The following CSNK1G1 variants were observed in gnomAD, a reference collection of about 807,000 sequenced individuals.
CSNK1G1 encodes the protein casein kinase 1 gamma 1, also known as casein kinase I isoform gamma-1.
In CSNK1G1, 22 loss-of-function variants were observed where a neutral mutation model predicts 59.6. The ratio of observed to expected loss-of-function variants is 0.37; its 90% CI spans 0.26 to 0.53. The LOEUF is 0.53. Ranked by LOEUF, CSNK1G1 falls within the 20% of genes least tolerant of loss-of-function variation. CSNK1G1 has a pLI of 0.89. For synonymous variants in CSNK1G1, 179 were observed against 177.1 expected (o/e 1.01, Z -0.08); for missense variants, 384 against 519.5 (o/e 0.74, Z 2.54).
Position 64,176,308 on chromosome 15 carries a change from AAC to A in CSNK1G1, c.1214+4038_1214+4039del, listed in dbSNP as rs2081740504. The A allele has an allele frequency of 2.5e-6, 1 of 398,874 alleles. No homozygotes were observed. The highest frequency in any genetic ancestry group is 4.4e-6 in the Non-Finnish European group (1 of 226,150). The allele number at this position is 398,874 out of a possible 1,614,324, so 24.7% of individuals were successfully genotyped here. On this transcript the variant is annotated intron_variant, in intron 11 of 11. Coordinates refer to ENST00000303052, the MANE Select transcript of CSNK1G1 (RefSeq NM_022048.5). This position sits in a 1 kb window ranked among gnomAD's most constrained non-coding sequence, Gnocchi z 5.2. ...CAGCTACAGAGTATATAAAGAGAAA[AAC>A]ACAGAAAGGAAGAGAGAGAAAGAGA...
rs545453668 is a variant in CSNK1G1 at position 64,210,923 on chromosome 15, G to A, written c.679+2967C>T. ...TCCCAAGAAAGCAGGTTGGTGAGAA[G>A]AGCCTAGCACCCCCCTTCCCATGTG... On this transcript the variant is annotated intron_variant, in intron 6 of 11. Transcript: ENST00000303052. The surrounding 1 kb of genome is among the most constrained non-coding windows in gnomAD (Gnocchi z 4.2). Among the ~76,000 whole-genome samples the A allele has an allele frequency of 6.6e-6, 1 of 152,132 alleles. No individual in the cohort carries two copies. Among genetic ancestry groups the A allele is most frequent in the Non-Finnish European group, 1.5e-5 (1 of 68,032 alleles).
intron 1 of CSNK1G1, among the ~76,000 whole-genome samples, chr15:64,304,964 C>G (rs1895587435): frequency 6.6e-6 from 1 of 152,194 alleles, no homozygotes; most frequent in African/African-American, 2.4e-5. Context: ...CTTGCTGTTT[C>G]TTGGTCACAA....
intron 2 of CSNK1G1, among the ~76,000 whole-genome samples, chr15:64,293,634 G>A (rs1433851293): frequency 6.6e-6 from 1 of 152,210 alleles, no homozygotes; most frequent in Non-Finnish European, 1.5e-5. Flanking sequence ...CAAGGAGATC[G>A]AGTAGACCAG....
chr15:64,214,168 C>T lies in CSNK1G1; in HGVS notation c.445-44G>A, dbSNP rs972798549. 2.2e-6 allele frequency: 3 copies of T among 1,337,082 alleles called. No individual in the cohort carries two copies. The African/African-American group carries it at 4.3e-5, about 19-fold the overall frequency. 82.8% of individuals were successfully genotyped at this position (1,337,082 alleles called of 1,614,324 possible). On this transcript the variant is annotated intron_variant, in intron 5 of 11. Coordinates refer to ENST00000303052, the MANE Select transcript of CSNK1G1 (RefSeq NM_022048.5). This position sits in a 1 kb window ranked among gnomAD's most constrained non-coding sequence, Gnocchi z 4.3. ...ATAGAAAGACTGTAAAGAAGTATAT[C>T]AGGAAAATACATCAAAACAGTTTCT...
intron 4 of CSNK1G1, among the ~76,000 whole-genome samples, chr15:64,220,134 G>T (rs2082367755): frequency 6.9e-6 from 1 of 145,152 alleles, no homozygotes; most frequent in South Asian, 2.2e-4. Flanking sequence ...TTGCTCTGTT[G>T]CTCAGGCCGG....
At chr15:64,353,369 G>A (rs376040478) in intron 1 of CSNK1G1, among the ~76,000 whole-genome samples, 6 of 152,064 alleles carry the variant, frequency 3.9e-5, no homozygotes, top group Admixed American at 1.3e-4. Context: ...GACTTTGGCC[G>A]GGTACGGTGG....
At chr15:64,341,929 A>G (rs1052492543) in intron 1 of CSNK1G1, among the ~76,000 whole-genome samples, 2 of 152,242 alleles carry the variant, frequency 1.3e-5, no homozygotes, top group Non-Finnish European at 1.5e-5. Flanking sequence ...TCAACTATTG[A>G]AAGTTACTTC....
At chr15:64,275,852 A>C (rs1235835956) in intron 2 of CSNK1G1, among the ~76,000 whole-genome samples, 1 of 152,220 alleles carries the variant, frequency 6.6e-6, no homozygotes, top group African/African-American at 2.4e-5. Flanking sequence ...AACTATGTGT[A>C]TATTAAATCA....
chr15:64,176,389 A>G lies in CSNK1G1; in HGVS notation c.1214+3959T>C. 2.5e-6 allele frequency: 1 copy of G among 397,866 alleles called. No homozygotes were observed. The highest frequency in any genetic ancestry group is 4.4e-6 in the Non-Finnish European group (1 of 225,830). 24.6% of individuals were successfully genotyped at this position (397,866 alleles called of 1,614,324 possible). ...AAGCGACTCCCTGTGAGCCATGCAA[A>G]CATGCAGTATGTGTCTGTGTTTAGT... On this transcript the variant is annotated intron_variant, in intron 11 of 11. Transcript: ENST00000303052. This position sits in a 1 kb window ranked among gnomAD's most constrained non-coding sequence, Gnocchi z 5.2.
chr15:64,181,716 A>C, intron 10 of CSNK1G1: 1 of 309,538 alleles, frequency 3.2e-6, no homozygotes, highest in Non-Finnish European at 6.0e-6. Flanking sequence ...AATCTCTAAA[A>C]TGGGAGAACA....
chr15:64,262,815 A>C (rs1892764337), intron 2 of CSNK1G1, among the ~76,000 whole-genome samples: 1 of 152,240 alleles, frequency 6.6e-6, no homozygotes, highest in African/African-American at 2.4e-5. Flanking sequence ...GCAATGGCTC[A>C]CGCCTGTAAT....
chr15:64,245,252 A>G (rs184100827), intron 4 of CSNK1G1, among the ~76,000 whole-genome samples: 2 of 152,330 alleles, frequency 1.3e-5, no homozygotes, highest in Non-Finnish European at 2.9e-5. Flanking sequence ...AAACAAATGG[A>G]ATTTCAGCAA....
chr15:64,351,466 C>T (rs1196848493), intron 1 of CSNK1G1, among the ~76,000 whole-genome samples: 1 of 152,218 alleles, frequency 6.6e-6, no homozygotes, highest in African/African-American at 2.4e-5. Context: ...CTTGGAACGG[C>T]CACAGACTTT....
chr15:64,294,965 C>T (rs997448946), intron 2 of CSNK1G1, among the ~76,000 whole-genome samples: 10 of 150,078 alleles, frequency 6.7e-5, no homozygotes, highest in Non-Finnish European at 1.5e-4. Context: ...GGCGCGGTGG[C>T]TCATGCCTAT....
intron 1 of CSNK1G1, among the ~76,000 whole-genome samples, chr15:64,344,460 G>C (rs899357683): frequency 6.6e-6 from 1 of 152,066 alleles, no homozygotes. Context: ...GCAGCCAAAT[G>C]TGTGCTCATT....
At chr15:64,263,327 T>G (rs910892973) in intron 2 of CSNK1G1, among the ~76,000 whole-genome samples, 6 of 151,884 alleles carry the variant, frequency 4.0e-5, no homozygotes, top group African/African-American at 1.4e-4. Context: ...CGGCTAGGAT[T>G]ACAGGTGCGC....
At chr15:64,293,658 C>A (rs1894860587) in intron 2 of CSNK1G1, among the ~76,000 whole-genome samples, 2 of 152,190 alleles carry the variant, frequency 1.3e-5, no homozygotes, top group Admixed American at 6.6e-5. Flanking sequence ...CAGTCCGTGG[C>A]CCTGTTAGGA....
intron 10 of CSNK1G1, among the ~76,000 whole-genome samples, chr15:64,190,929 C>T (rs1006362200): frequency 8.5e-5 from 13 of 152,176 alleles, no homozygotes; most frequent in Admixed American, 7.2e-4. Context: ...TTATACAGTA[C>T]TGTCAGGTTT....
chr15:64,319,481 T>C (rs1056949780), intron 1 of CSNK1G1, among the ~76,000 whole-genome samples: 4 of 152,184 alleles, frequency 2.6e-5, no homozygotes, highest in South Asian at 2.1e-4. Context: ...CTTGAGGTGA[T>C]TGCTTTATGG....
Sources: gnomAD v4.1 joint callset for allele counts (sites outside exome capture counted in the v4.1 genomes callset) on GRCh38, gnomAD v4.1.1 for gene constraint, Gnocchi (gnomAD v3.1) non-coding constraint, MANE v1.5 for transcripts, NCBI Gene and HGNC (gene_info 2026-07-23, HGNC 2026-07-21) for gene names.